The following MAGI2 variants were observed in gnomAD, a reference collection of about 807,000 sequenced individuals.
The protein encoded by MAGI2 is membrane associated guanylate kinase, WW and PDZ domain containing 2.
A neutral mutation model predicts 133.3 loss-of-function variants in MAGI2; 35 were observed. The observed-to-expected ratio is 0.26, with a 90% CI of 0.20 to 0.35. The LOEUF (loss-of-function observed/expected upper bound fraction) is 0.35, where lower values mean the gene tolerates loss of function less well. Among genes scored for constraint, MAGI2 ranks in the 10% least tolerant of loss-of-function variants. The probability of loss-of-function intolerance (pLI) is 1.00; values close to 1 mark genes in which losing one functional copy is unlikely to be tolerated. For missense variants in MAGI2, 1,636 were observed against 1,863.4 expected (o/e 0.88, Z 2.25); for synonymous variants, 729 against 710.6 (o/e 1.03, Z -0.41).
At chr7:79,311,580 T>C (rs1038106807) in intron 1 of MAGI2, among the ~76,000 whole-genome samples, 1 of 152,042 alleles carries the variant, frequency 6.6e-6, no homozygotes, top group Non-Finnish European at 1.5e-5. Context: ...CCTGCCCCTA[T>C]TTCCCTTCAC....
chr7:79,370,213 A>G (rs1842966183), intron 1 of MAGI2, among the ~76,000 whole-genome samples: 2 of 152,162 alleles, frequency 1.3e-5, no homozygotes, highest in Admixed American at 6.5e-5. Flanking sequence ...CATTGAAAAT[A>G]TATACAAAAT....
intron 3 of MAGI2, among the ~76,000 whole-genome samples, chr7:78,554,275 G>T (rs564310671): frequency 6.6e-6 from 1 of 152,264 alleles, no homozygotes; most frequent in Admixed American, 6.5e-5. Flanking sequence ...CAAGGCTTGT[G>T]TAAGCGCTTG....
chr7:79,183,943 A>G lies in MAGI2; in HGVS notation c.302-176737T>C, dbSNP rs549085345. ...TACAGAATTTTTTAAAGTTGACTTTATAGAAGTAGAGAGTAGAATGATGGG... is the reference window on the plus strand; with the variant it reads ...TACAGAATTTTTTAAAGTTGACTTTGTAGAAGTAGAGAGTAGAATGATGGG... On this transcript the variant is annotated intron_variant, in intron 1 of 21. Transcript: ENST00000354212. 1.3e-4 allele frequency among the ~76,000 whole-genome samples: 19 copies of G among 151,860 alleles called. 1 individual carries two copies. Among genetic ancestry groups the G allele is most frequent in the African/African-American group, 4.6e-4 (19 of 41,348 alleles).
At chr7:78,153,354 T>C (rs1005519183) in intron 16 of MAGI2, among the ~76,000 whole-genome samples, 6 of 152,206 alleles carry the variant, frequency 3.9e-5, no homozygotes, top group African/African-American at 1.2e-4. Context: ...GCCAAGACAG[T>C]TGGGGATGGT....
intron 1 of MAGI2, among the ~76,000 whole-genome samples, chr7:79,298,190 T>C (rs1837096728): frequency 6.6e-6 from 1 of 152,242 alleles, no homozygotes; most frequent in Non-Finnish European, 1.5e-5. Flanking sequence ...TCAATTTTTC[T>C]TCAATATTTG....
intron 6 of MAGI2, among the ~76,000 whole-genome samples, chr7:78,382,598 G>A (rs538987876): frequency 3.9e-5 from 6 of 152,014 alleles, no homozygotes; most frequent in Non-Finnish European, 5.9e-5. Context: ...TTTGTTACAC[G>A]TATATAATGC....
intron 5 of MAGI2, among the ~76,000 whole-genome samples, chr7:78,497,208 T>C (rs1794169359): frequency 2.0e-5 from 3 of 152,216 alleles, no homozygotes; most frequent in African/African-American, 7.2e-5. Context: ...CACAGTATTA[T>C]ACATTTAAAA....
At chr7:78,687,490 G>C (rs1816446305) in intron 2 of MAGI2, among the ~76,000 whole-genome samples, 1 of 152,192 alleles carries the variant, frequency 6.6e-6, no homozygotes, top group Non-Finnish European at 1.5e-5. Flanking sequence ...ACTCACAGAA[G>C]AGATAGATAC....
intron 1 of MAGI2, among the ~76,000 whole-genome samples, chr7:79,340,561 A>G (rs1319488566): frequency 6.6e-6 from 1 of 152,196 alleles, no homozygotes; most frequent in East Asian, 1.9e-4. Context: ...ATGCTCATCT[A>G]TTGACAAATT....
At chr7:79,386,514 T>A (rs1844192719) in intron 1 of MAGI2, among the ~76,000 whole-genome samples, 1 of 152,066 alleles carries the variant, frequency 6.6e-6, no homozygotes, top group South Asian at 2.1e-4. Context: ...ATATTGATAC[T>A]TAGTTACTCT....
rs556498676 is a variant in MAGI2 at position 78,222,352 on chromosome 7, A to G, written c.2048-21159T>C. On this transcript the variant is annotated intron_variant, in intron 10 of 21. Coordinates refer to ENST00000354212, the MANE Select transcript of MAGI2 (RefSeq NM_012301.4). ...CATGAGCTCTATGGAGAAAAATAAC[A>G]CAGAACAAGGAAAAATGAAAAACTG... is the stretch of plus-strand genomic sequence containing the variant. Among the ~76,000 whole-genome samples the G allele has an allele frequency of 5.9e-5, 9 of 152,312 alleles. No individual in the cohort carries two copies. The South Asian group carries it at 1.9e-3, about 32-fold the overall frequency.
intron 10 of MAGI2, among the ~76,000 whole-genome samples, chr7:78,232,562 A>G (rs1459475147): frequency 6.6e-6 from 1 of 152,166 alleles, no homozygotes; most frequent in Non-Finnish European, 1.5e-5. Context: ...CACTCCATTT[A>G]CAATTTATTA....
chr7:79,187,012 C>T lies in MAGI2; in HGVS notation c.302-179806G>A, dbSNP rs375082586. Among the ~76,000 whole-genome samples the T allele has an allele frequency of 4.0e-5, 6 of 150,576 alleles. No homozygotes were observed. In the East Asian group the frequency reaches 7.8e-4, roughly 20 times the overall value. ...TGATACAAATGCTAATATTTGGAAG[C>T]GATTACAATTCAAATGAAACTTAAG... On this transcript the variant is annotated intron_variant, in intron 1 of 21. Coordinates refer to ENST00000354212, the MANE Select transcript of MAGI2 (RefSeq NM_012301.4).
At chr7:79,357,361 C>T (rs1306930879) in intron 1 of MAGI2, among the ~76,000 whole-genome samples, 1 of 152,050 alleles carries the variant, frequency 6.6e-6, no homozygotes, top group African/African-American at 2.4e-5. Context: ...AGTAAGCTGC[C>T]AACTCAGAAA....
chr7:78,701,521 G>C (rs1818072111), intron 2 of MAGI2, among the ~76,000 whole-genome samples: 1 of 151,854 alleles, frequency 6.6e-6, no homozygotes, highest in Admixed American at 6.6e-5. Flanking sequence ...TTCATGTTTG[G>C]AATCTTACGT....
At chr7:78,572,652 TTTTATA>T (rs1381576757) in intron 3 of MAGI2, among the ~76,000 whole-genome samples, 1 of 151,700 alleles carries the variant, frequency 6.6e-6, no homozygotes, top group Non-Finnish European at 1.5e-5. Flanking sequence ...GGCTATTTAC[TTTTATA>T]TTTATTTATT....
intron 9 of MAGI2, among the ~76,000 whole-genome samples, chr7:78,335,616 A>G (rs904651412): frequency 4.6e-5 from 7 of 152,228 alleles, no homozygotes; most frequent in African/African-American, 1.7e-4. Context: ...TGGGAAAAAT[A>G]TAATGCAAAG....
intron 20 of MAGI2, among the ~76,000 whole-genome samples, chr7:78,084,777 G>A (rs534051417): frequency 6.6e-6 from 1 of 152,198 alleles, no homozygotes; most frequent in Non-Finnish European, 1.5e-5. Flanking sequence ...GTGCTCTGAC[G>A]CTGGGATGCC....
intron 1 of MAGI2, among the ~76,000 whole-genome samples, chr7:79,185,243 T>A (rs1337116593): frequency 1.3e-5 from 2 of 151,930 alleles, no homozygotes; most frequent in Non-Finnish European, 2.9e-5. Flanking sequence ...TCCATTGGTA[T>A]CTTTCTAGGG....
Sources: allele counts gnomAD v4.1 joint callset (sites outside exome capture counted in the v4.1 genomes callset), GRCh38; gene constraint gnomAD v4.1.1; transcripts MANE v1.5; gene names NCBI Gene and HGNC (gene_info 2026-07-23, HGNC 2026-07-21).